NEB: variants seen among roughly 807,000 people sequenced by gnomAD.
The protein encoded by NEB is nebulin, also known as nemaline myopathy type 2.
In NEB, 512 loss-of-function variants were observed where a neutral mutation model predicts 952.2. The observed-to-expected ratio is 0.54, with a 90% CI of 0.50 to 0.58. NEB has a LOEUF of 0.58. NEB is among the 20% of genes least tolerant of loss of function. The pLI is 0.00. For synonymous variants in NEB, 2,900 were observed against 3,149.8 expected (o/e 0.92, Z 2.66); for missense variants, 8,428 against 9,231.1 (o/e 0.91, Z 3.56).
At chr2:151,707,631 T>C (rs2099715231) in intron 12 of NEB, among the ~76,000 whole-genome samples, 2 of 151,914 alleles carry the variant, frequency 1.3e-5, no homozygotes, top group Admixed American at 6.6e-5. Flanking sequence ...TGGGGGAGAA[T>C]AGGGAAGGCA....
intron 48 of NEB, among the ~76,000 whole-genome samples, chr2:151,657,116 G>C (rs187993459): frequency 6.6e-6 from 1 of 152,118 alleles, no homozygotes; most frequent in Non-Finnish European, 1.5e-5. Flanking sequence ...TCTCCTTTTG[G>C]GGTTGCGTGT....
At chr2:151,546,647 C>G (rs531748728) in intron 133 of NEB, among the ~76,000 whole-genome samples, 4 of 151,738 alleles carry the variant, frequency 2.6e-5, no homozygotes, top group Non-Finnish European at 5.9e-5. Context: ...CAACCTCCGC[C>G]TCCCGAGTTC....
At chr2:151,693,142 AAC>A (rs2099571577) in intron 20 of NEB, among the ~76,000 whole-genome samples, 1 of 152,200 alleles carries the variant, frequency 6.6e-6, no homozygotes, top group Non-Finnish European at 1.5e-5. Flanking sequence ...ATTAAGACCT[AAC>A]AGTTTTCTTT....
At chr2:151,689,750 A>C (rs1466199114) in intron 24 of NEB, 1 of 152,198 alleles carries the variant, frequency 6.6e-6, no homozygotes, top group Admixed American at 6.5e-5. Context: ...ATTTCTCTGC[A>C]GCTTGCTGAG....
chr2:151,650,721 T>C lies in NEB; in HGVS notation c.7080A>G (p.Pro2360=), dbSNP rs2099020782. The C allele has an allele frequency of 6.2e-7, 1 of 1,613,854 alleles. No individual in the cohort carries two copies. Among genetic ancestry groups the C allele is most frequent in the Non-Finnish European group, 8.5e-7 (1 of 1,179,874 alleles). Reference sequence around the variant, plus strand: ...CCAGTACCACTCCCAACATGTCCACTGGGCTGGAGAACTTAGTTTTCCACT... The same window carrying C: ...CCAGTACCACTCCCAACATGTCCACCGGGCTGGAGAACTTAGTTTTCCACT... ...FEKWKTKFSS[P]VDMLGVVLAK... The change falls in exon 53 of 182, where the codon CCA becomes CCG. Residue 2360 remains proline (P), a synonymous_variant. Coordinates refer to ENST00000397345, the MANE Select transcript of NEB (RefSeq NM_001164508.2).
chr2:151,663,642 T>C lies in NEB; in HGVS notation c.5669A>G (p.Asn1890Ser), dbSNP rs1461938901. ...ATGGATCACGTTCCTGTAGTTGGCATTGGTGGCCACTTCCTGAGACTTCTT... is the reference window on the plus strand; with the variant it reads ...ATGGATCACGTTCCTGTAGTTGGCACTGGTGGCCACTTCCTGAGACTTCTT... ...AAKKSQEVAT[N>S]ANYRNVIHTY... The change falls in exon 45 of 182, where the codon AAT becomes AGT. Residue 1890 changes from asparagine to serine, a missense_variant. By Grantham distance (46) the Asn-to-Ser change is conservative. Around this residue, in one of 11 missense-constraint regions of NEB, gnomAD observed 2,851 missense variants for 2,791.5 expected, o/e 1.02. Transcript: ENST00000397345. 3.1e-6 allele frequency: 5 copies of C among 1,613,698 alleles called. No individual in the cohort carries two copies. The highest frequency in any genetic ancestry group is 2.7e-5 in the African/African-American group (2 of 74,910).
rs748728868 is a variant in NEB, at chr2:151,485,759, C to T, written c.*1G>A. The T allele has an allele frequency of 1.2e-6, 2 of 1,606,278 alleles. No individual in the cohort carries two copies. Among genetic ancestry groups the T allele is most frequent in the Non-Finnish European group, 1.7e-6 (2 of 1,174,480 alleles). ...CAGACAAGTGTGATGCTTTGAAATG[C>T]CTAAATAGCTTCAACGTAGTTGGCT... On this transcript the variant is annotated 3_prime_UTR_variant, in exon 182 of 182. Coordinates refer to ENST00000397345, the MANE Select transcript of NEB (RefSeq NM_001164508.2).
chr2:151,553,726 A>G, intron 126 of NEB, 102 bp downstream of exon 126: 1 of 1,152,292 alleles, frequency 8.7e-7, no homozygotes. Context: ...GGGAAGAGAT[A>G]GTGGAAAAAG....
intron 16 of NEB, 131 bp downstream of exon 16, chr2:151,697,017 A>G: frequency 1.4e-6 from 1 of 694,802 alleles, no homozygotes. Context: ...GATGTTTACT[A>G]CAAAATAGAC....
At chr2:151,488,303 A>T (rs1281234220) in intron 181 of NEB, among the ~76,000 whole-genome samples, 2 of 152,072 alleles carry the variant, frequency 1.3e-5, no homozygotes, top group African/African-American at 2.4e-5. Flanking sequence ...CCAGACTTTT[A>T]TACTTCTAGA....
chr2:151,495,693 G>A (rs73005916), intron 173 of NEB, among the ~76,000 whole-genome samples: 146 of 152,018 alleles, frequency 9.6e-4, no homozygotes, highest in African/African-American at 2.6e-3. Flanking sequence ...AACAAAAAAC[G>A]AAAACTGGTA....
chr2:151,637,780 A>G (rs182735804), intron 63 of NEB, among the ~76,000 whole-genome samples: 3 of 152,352 alleles, frequency 2.0e-5, no homozygotes, highest in African/African-American at 4.8e-5. Flanking sequence ...AGGTTTGGCT[A>G]ATAATTCAGT....
intron 74 of NEB, 21 bp downstream of exon 74, chr2:151,618,254 C>T (rs2098271179): frequency 1.2e-6 from 2 of 1,606,120 alleles, no homozygotes; most frequent in Non-Finnish European, 1.7e-6. Flanking sequence ...CGGTATCTAA[C>T]AGTGAGGATT....
intron 67 of NEB, 73 bp from the exon 68 acceptor site, chr2:151,629,719 T>C (rs1310000857): frequency 2.2e-5 from 28 of 1,281,436 alleles, no homozygotes; most frequent in Non-Finnish European, 3.0e-5. Context: ...AAGTGACTTA[T>C]ATCCTAAAAT....
intron 161 of NEB, among the ~76,000 whole-genome samples, chr2:151,509,491 C>T (rs577326703): frequency 2.3e-4 from 35 of 152,290 alleles, no homozygotes; most frequent in African/African-American, 6.3e-4. Flanking sequence ...GCACACAGAA[C>T]TTGGATGTAT....
rs370623512 is a variant in NEB, at chr2:151,619,472, T to C, written c.10851A>G (p.Lys3617=). ...PDQNDIIHAR[K]AYDLQSDNLY... Reference sequence around the variant, plus strand: ...TTACGTCACTCTGGAGGTCATAGGCTTTCCGTGCATGAATGATGTCATTCT... The same window carrying C: ...TTACGTCACTCTGGAGGTCATAGGCCTTCCGTGCATGAATGATGTCATTCT... Residue 3617 remains lysine (K), a synonymous_variant, in exon 73 of 182, where the codon AAA becomes AAG. Transcript: ENST00000397345. 6.8e-6 allele frequency: 11 copies of C among 1,608,480 alleles called. No homozygotes were observed. In the African/African-American group the frequency reaches 1.2e-4, roughly 18 times the overall value.
At chr2:151,615,015 C>T (rs992969316) in intron 76 of NEB, among the ~76,000 whole-genome samples, 1 of 152,168 alleles carries the variant, frequency 6.6e-6, no homozygotes, top group Non-Finnish European at 1.5e-5. Flanking sequence ...TAATAGACTT[C>T]TCAGTCAAGG....
In NEB at chr2:151,709,559, C is replaced by T. The variant is rs961179512; in HGVS notation, c.1035+97G>A. The T allele has an allele frequency of 7.8e-6, 7 of 893,958 alleles. No homozygotes were observed. The African/African-American group carries it at 1.0e-4, about 13-fold the overall frequency. The allele number at this position is 893,958 out of a possible 1,614,324, so 55.4% of individuals were successfully genotyped here. On this transcript the variant is annotated intron_variant, in intron 12 of 181. Transcript: ENST00000397345. Reference sequence around the variant, plus strand: ...GCCCTGGTAGTTCCCCCAAGAACCACTCCTCCCCTTTTTTACTAATTATAT... The same window carrying T: ...GCCCTGGTAGTTCCCCCAAGAACCATTCCTCCCCTTTTTTACTAATTATAT...
chr2:151,489,168 C>A (rs1444605029), intron 181 of NEB, among the ~76,000 whole-genome samples: 3 of 152,062 alleles, frequency 2.0e-5, no homozygotes, highest in African/African-American at 7.2e-5. Flanking sequence ...CTTATTTAGA[C>A]CTTCTTGTAT....
Sources: gnomAD v4.1 joint callset for allele counts (sites outside exome capture counted in the v4.1 genomes callset) on GRCh38, gnomAD v4.1.1 for gene constraint, gnomAD v4.1.1 regional missense constraint, MANE v1.5 for transcripts, NCBI Gene and HGNC (gene_info 2026-07-23, HGNC 2026-07-21) for gene names.